Variants in OR2L13 observed in about 807,000 individuals in gnomAD.
The protein encoded by OR2L13 is olfactory receptor 2L13.
OR2L13 carries 14 observed loss-of-function variants against 15.3 expected under a neutral mutation model. The ratio of observed to expected loss-of-function variants is 0.91; its 90% CI spans 0.60 to 1.43. The LOEUF (loss-of-function observed/expected upper bound fraction) is 1.43, where lower values mean the gene tolerates loss of function less well. OR2L13 is among the 40% of genes most tolerant of loss of function. The probability of loss-of-function intolerance (pLI) is 0.00; values close to 1 mark genes in which losing one functional copy is unlikely to be tolerated. For missense variants in OR2L13, 367 were observed against 387.9 expected, an observed-to-expected ratio of 0.95 and a Z score of 0.45; for synonymous variants, 152 against 142.9, an observed-to-expected ratio of 1.06 and a Z score of -0.45.
the OR2L13 span, among the ~76,000 whole-genome samples, chr1:248,031,726 G>A: frequency 3.4e-4 from 52 of 152,276 alleles, no homozygotes; most frequent in African/African-American, 1.2e-3. Flanking sequence ...AAATAAGCTT[G>A]CCTTGTAGAA....
chr1:248,030,816 A>AT, the OR2L13 span, among the ~76,000 whole-genome samples: 2 of 152,094 alleles, frequency 1.3e-5, no homozygotes, highest in Non-Finnish European at 2.9e-5. Context: ...ATCCTGACAT[A>AT]TTGCACGTGC....
the OR2L13 span, among the ~76,000 whole-genome samples, chr1:248,063,582 G>A: frequency 9.6e-3 from 1,465 of 152,304 alleles, 24 homozygotes; most frequent in African/African-American, 0.034. Context: ...AATACAACAG[G>A]GAGGGGCTTT....
exon 3 of OR2L13, chr1:248,099,726 G>A (rs772501668): frequency 2.5e-6 from 4 of 1,614,050 alleles, no homozygotes; most frequent in Non-Finnish European, 3.4e-6. Context: ...TGACCTCCAT[G>A]GCCTACGACC....
the OR2L13 span, among the ~76,000 whole-genome samples, chr1:247,968,420 A>G: frequency 7.2e-5 from 11 of 152,116 alleles, no homozygotes; most frequent in Admixed American, 5.9e-4. Context: ...AGGTATACAT[A>G]TGCCATGTTG....
the OR2L13 span, chr1:248,022,892 C>A: frequency 8.1e-6 from 13 of 1,596,010 alleles, no homozygotes; most frequent in Non-Finnish European, 1.1e-5. Flanking sequence ...TGTAGACATA[C>A]GTTCTGTGTT....
the OR2L13 span, among the ~76,000 whole-genome samples, chr1:248,020,796 TTTA>T: frequency 2.0e-5 from 3 of 151,812 alleles, no homozygotes; most frequent in Non-Finnish European, 4.4e-5. Flanking sequence ...TTCATTTCAT[TTTA>T]TTATTATTTT....
the OR2L13 span, among the ~76,000 whole-genome samples, chr1:247,998,921 A>G: frequency 6.6e-6 from 1 of 152,170 alleles, no homozygotes. Flanking sequence ...TGAGCAGAGC[A>G]TGTGGAAACA....
At chr1:247,958,275 G>T in the OR2L13 span, among the ~76,000 whole-genome samples, 7 of 152,118 alleles carry the variant, frequency 4.6e-5, no homozygotes, top group Non-Finnish European at 8.8e-5. Flanking sequence ...TTAACCCCAA[G>T]GTCTAGTTTG....
At chr1:248,052,526 A>C in the OR2L13 span, among the ~76,000 whole-genome samples, 2 of 152,156 alleles carry the variant, frequency 1.3e-5, no homozygotes, top group African/African-American at 4.8e-5. Context: ...AAGGAGGTTG[A>C]GGCCATGCTG....
At chr1:248,011,937 G>C in the OR2L13 span, among the ~76,000 whole-genome samples, 1 of 152,046 alleles carries the variant, frequency 6.6e-6, no homozygotes, top group Admixed American at 6.6e-5. Flanking sequence ...TTGTATCTTT[G>C]GGAGATAGAA....
the OR2L13 span, among the ~76,000 whole-genome samples, chr1:248,065,393 T>C: frequency 2.0e-5 from 3 of 151,850 alleles, no homozygotes; most frequent in Non-Finnish European, 2.9e-5. Flanking sequence ...TCATTCTATT[T>C]TGAAGGATGA....
exon 3 of OR2L13, chr1:248,100,382 T>A (rs1408982561): frequency 7.3e-6 from 6 of 824,810 alleles, no homozygotes; most frequent in Non-Finnish European, 1.1e-5. Flanking sequence ...AGAGCAGGGT[T>A]GTCCAATAGA....
the OR2L13 span, chr1:247,990,791 A>AT: frequency 6.2e-6 from 10 of 1,602,778 alleles, no homozygotes; most frequent in East Asian, 2.2e-5. Context: ...GCCATCAATC[A>AT]TTTTTTCTGT....
chr1:247,975,511 C>G, the OR2L13 span: 1 of 1,006,602 alleles, frequency 9.9e-7, no homozygotes, highest in East Asian at 2.4e-5. Flanking sequence ...TCCAAGATAC[C>G]TGCAATCTCC....
At chr1:248,008,316 T>G in the OR2L13 span, among the ~76,000 whole-genome samples, 2 of 152,216 alleles carry the variant, frequency 1.3e-5, no homozygotes, top group Non-Finnish European at 2.9e-5. Flanking sequence ...TTTTCTATAA[T>G]TTATCATTCT....
At chr1:247,994,371 G>T in the OR2L13 span, among the ~76,000 whole-genome samples, 7,264 of 151,986 alleles carry the variant, frequency 0.048, 507 homozygotes, top group African/African-American at 0.16. Flanking sequence ...CACTCCAGCC[G>T]GGGCGACAGA....
chr1:247,975,662 C>A, the OR2L13 span: 2 of 1,089,046 alleles, frequency 1.8e-6, no homozygotes, highest in South Asian at 1.3e-5. Flanking sequence ...AAGATGAAGA[C>A]AAACTTTCTG....
chr1:248,017,449 A>G, the OR2L13 span, among the ~76,000 whole-genome samples: 2 of 152,228 alleles, frequency 1.3e-5, no homozygotes, highest in East Asian at 1.9e-4. Context: ...AGATATCGTA[A>G]CGTCACAAAA....
the OR2L13 span, among the ~76,000 whole-genome samples, chr1:248,033,765 C>A: frequency 6.6e-6 from 1 of 151,970 alleles, no homozygotes; most frequent in Non-Finnish European, 1.5e-5. Context: ...TATTGTTATA[C>A]ATGTCTGGCT....
Sources: allele counts gnomAD v4.1 joint callset (sites outside exome capture counted in the v4.1 genomes callset), GRCh38; gene constraint gnomAD v4.1.1; transcripts MANE v1.5; gene names NCBI Gene and HGNC (gene_info 2026-07-23, HGNC 2026-07-21).